Variants in NREP observed in about 807,000 individuals in gnomAD.
NREP encodes the protein neuronal regeneration related protein, also known as neuronal regeneration-related protein.
A neutral mutation model predicts 8.6 loss-of-function variants in NREP; 5 were observed. The ratio of observed to expected loss-of-function variants is 0.58; its 90% CI spans 0.30 to 1.22. NREP has a LOEUF of 1.22. NREP is among the 50% of genes most tolerant of loss of function. NREP has a pLI of 0.07. For missense variants in NREP, 86 were observed against 82.5 expected (o/e 1.04, Z -0.17); for synonymous variants, 27 against 28.0 (o/e 0.96, Z 0.11).
intron 2 of NREP, among the ~76,000 whole-genome samples, chr5:111,823,577 GTAT>G (rs1752557041): frequency 2.6e-5 from 4 of 152,260 alleles, no homozygotes; most frequent in African/African-American, 4.8e-5. Flanking sequence ...TTCTAAATGT[GTAT>G]TATGTTATTT....
intron 2 of NREP, among the ~76,000 whole-genome samples, chr5:111,771,639 T>G (rs1398755680): frequency 6.6e-6 from 1 of 152,036 alleles, no homozygotes; most frequent in African/African-American, 2.4e-5. Context: ...GGCACATGCC[T>G]GTAATCCCAG....
chr5:111,764,270 G>C (rs1476675681), intron 2 of NREP, among the ~76,000 whole-genome samples: 2 of 152,142 alleles, frequency 1.3e-5, no homozygotes, highest in Admixed American at 6.5e-5. Context: ...GATGGAAGGA[G>C]GGGGTTGGCC....
chr5:111,770,250 G>T lies in NREP; in HGVS notation c.136-34743C>A, dbSNP rs77305946. Among the ~76,000 whole-genome samples the T allele has an allele frequency of 9.7e-3, 1,471 of 152,218 alleles. 25 individuals are homozygous for T. Among genetic ancestry groups the T allele is most frequent in the African/African-American group, 0.034 (1,397 of 41,534 alleles). Reference sequence around the variant, plus strand: ...AGCATTCATGTTTTTCTTTCAAAAAGTGAGTTTATAGTGGCCAGATTTGTT... The same window carrying T: ...AGCATTCATGTTTTTCTTTCAAAAATTGAGTTTATAGTGGCCAGATTTGTT... On this transcript the variant is annotated intron_variant, in intron 2 of 3. Coordinates refer to the NREP transcript ENST00000395634.
chr5:111,880,817 G>T (rs1754037484), intron 2 of NREP, among the ~76,000 whole-genome samples: 1 of 140,424 alleles, frequency 7.1e-6, no homozygotes, highest in Non-Finnish European at 1.5e-5. Context: ...GCTCATTGCA[G>T]CCTCAACATC....
intron 2 of NREP, among the ~76,000 whole-genome samples, chr5:111,773,240 T>C (rs1314047653): frequency 6.6e-6 from 1 of 152,154 alleles, no homozygotes; most frequent in Non-Finnish European, 1.5e-5. Flanking sequence ...TATTATCTGC[T>C]CAGCAGTAAA....
At chr5:111,832,771 T>C (rs190515261) in intron 2 of NREP, among the ~76,000 whole-genome samples, 27 of 152,362 alleles carry the variant, frequency 1.8e-4, no homozygotes, top group Admixed American at 1.8e-3. Context: ...ATAGCATCTC[T>C]GAATCTCTTT....
At chr5:111,962,686 A>G (rs1756511977) in intron 2 of NREP, among the ~76,000 whole-genome samples, 1 of 152,136 alleles carries the variant, frequency 6.6e-6, no homozygotes, top group African/African-American at 2.4e-5. Flanking sequence ...CCTTTTCCAA[A>G]ATTACCTACG....
At chr5:111,856,083 G>A (rs1561695708) in intron 2 of NREP, among the ~76,000 whole-genome samples, 1 of 152,116 alleles carries the variant, frequency 6.6e-6, no homozygotes, top group Admixed American at 6.5e-5. Context: ...TTGTATACTA[G>A]TACACCTGCC....
chr5:111,737,377 T>C (rs1455044025), intron 2 of NREP, among the ~76,000 whole-genome samples: 2 of 152,250 alleles, frequency 1.3e-5, no homozygotes, highest in Non-Finnish European at 2.9e-5. Flanking sequence ...ATTACATTTC[T>C]ATATTACCAC....
At position 111,793,961 on chromosome 5, in the gene NREP, G is replaced by C. The variant is rs560950252; in HGVS notation, c.136-58454C>G. 4.6e-5 allele frequency among the ~76,000 whole-genome samples: 7 copies of C among 152,326 alleles called. No homozygotes were observed. In the East Asian group the frequency reaches 1.4e-3, roughly 29 times the overall value. On this transcript the variant is annotated intron_variant, in intron 2 of 3. Transcript: ENST00000395634. Reference sequence around the variant, plus strand: ...GTCCCCCAGCTACTCGAGAGGCTGAGGTGGGAGTACCACTGGAGCCAAGAG... The same window carrying C: ...GTCCCCCAGCTACTCGAGAGGCTGACGTGGGAGTACCACTGGAGCCAAGAG...
At chr5:111,757,115 A>C in intron 1 of NREP, 21 bp downstream of exon 1, 1 of 737,926 alleles carries the variant, frequency 1.4e-6, no homozygotes, top group Non-Finnish European at 1.7e-6. Context: ...CCAGCCGGGG[A>C]TAGGAATGGC....
At chr5:111,940,435 C>A (rs1488785293) in intron 2 of NREP, among the ~76,000 whole-genome samples, 1 of 152,028 alleles carries the variant, frequency 6.6e-6, no homozygotes, top group Non-Finnish European at 1.5e-5. Flanking sequence ...GTCGTACTGG[C>A]AAGGAGATCA....
chr5:111,832,157 G>A lies in NREP; in HGVS notation c.136-96650C>T, dbSNP rs145355899. ...GGTAGAGCCACAACCCTGGCCTCTG[G>A]GGAAGGAAAACCTTAGACCTCAGTA... is the stretch of plus-strand genomic sequence containing the variant. On this transcript the variant is annotated intron_variant, in intron 2 of 3. Coordinates refer to the NREP transcript ENST00000395634. Among the ~76,000 whole-genome samples the A allele has an allele frequency of 1.4e-4, 22 of 152,204 alleles. No homozygotes were observed. The East Asian group carries it at 3.3e-3, about 23-fold the overall frequency.
At chr5:111,928,615 G>C (rs984066216) in intron 2 of NREP, among the ~76,000 whole-genome samples, 3 of 152,016 alleles carry the variant, frequency 2.0e-5, no homozygotes, top group African/African-American at 7.2e-5. Context: ...GCCTCTCTTT[G>C]TTTTCCTCTC....
intron 2 of NREP, among the ~76,000 whole-genome samples, chr5:111,966,988 C>T (rs200162099): frequency 1.3e-5 from 2 of 152,168 alleles, no homozygotes; most frequent in Admixed American, 6.5e-5. Flanking sequence ...AGACATCTGG[C>T]CCCCAAGAGA....
chr5:111,839,194 A>G (rs1210189007), intron 2 of NREP, among the ~76,000 whole-genome samples: 1 of 152,098 alleles, frequency 6.6e-6, no homozygotes, highest in Non-Finnish European at 1.5e-5. Flanking sequence ...TTAGCCTAAT[A>G]TTTAATAAAA....
intron 2 of NREP, among the ~76,000 whole-genome samples, chr5:111,878,814 G>C (rs1753975235): frequency 6.6e-6 from 1 of 152,122 alleles, no homozygotes; most frequent in African/African-American, 2.4e-5. Flanking sequence ...CCATCTGCAA[G>C]CTTCAGATGC....
intron 2 of NREP, among the ~76,000 whole-genome samples, chr5:111,808,073 C>CACATACA (rs1752184203): frequency 6.6e-6 from 1 of 152,208 alleles, no homozygotes; most frequent in Non-Finnish European, 1.5e-5. Flanking sequence ...TGCGTCTGGT[C>CACATACA]ACATACACAT....
At chr5:111,970,825 C>CAAA (rs33962098) in intron 2 of NREP, among the ~76,000 whole-genome samples, 676 of 53,482 alleles carry the variant, frequency 0.013, 19 homozygotes, top group Non-Finnish European at 0.018. Flanking sequence ...GACTCCATCT[C>CAAA]AAAAAAAAAA....
Sources: gnomAD v4.1 joint callset for allele counts (sites outside exome capture counted in the v4.1 genomes callset) on GRCh38, gnomAD v4.1.1 for gene constraint, MANE v1.5 for transcripts, NCBI Gene and HGNC (gene_info 2026-07-23, HGNC 2026-07-21) for gene names.